MAD1L1: variants seen among roughly 807,000 people sequenced by gnomAD.
The protein encoded by MAD1L1 is mitotic spindle assembly checkpoint protein MAD1.
MAD1L1 carries 95 observed loss-of-function variants against 96.9 expected under a neutral mutation model. The observed-to-expected ratio is 0.98, with a 90% confidence interval of 0.83 to 1.16. The LOEUF (loss-of-function observed/expected upper bound fraction) is 1.16. Among genes scored for constraint, MAD1L1 ranks in the 50% most tolerant of loss-of-function variants. MAD1L1 has a pLI of 0.00. For missense variants in MAD1L1, 1,007 were observed against 954.4 expected (o/e 1.06, Z -0.73); for synonymous variants, 473 against 396.6 (o/e 1.19, Z -2.29).
At chr7:1,838,579 A>G in intron 18 of MAD1L1, 1 of 358,620 alleles carries the variant, frequency 2.8e-6, no homozygotes, top group South Asian at 2.2e-5. Context: ...GCCAGATGCC[A>G]GAGACCACTC....
chr7:1,901,703 G>A lies in MAD1L1; in HGVS notation c.1808-3313C>T, dbSNP rs555042320. Among the ~76,000 whole-genome samples, 5 of 152,284 alleles carry A rather than the reference G, an allele frequency of 3.3e-5. No homozygotes were observed. In the East Asian group the frequency reaches 5.8e-4, roughly 18 times the overall value. ...TCACCAAGGCTTTTAGGCCCTCTCC[G>A]CTGACCTCCAGGGCTACCCCAGGCT... On this transcript the variant is annotated intron_variant, in intron 17 of 18. Coordinates refer to ENST00000265854, the MANE Select transcript of MAD1L1 (RefSeq NM_001013836.2).
At chr7:2,005,122 G>C (rs1047454036) in intron 13 of MAD1L1, among the ~76,000 whole-genome samples, 2 of 152,188 alleles carry the variant, frequency 1.3e-5, no homozygotes, top group Admixed American at 1.3e-4. Flanking sequence ...CTCACACGCA[G>C]GGCCCTGGGT....
At chr7:2,108,639 C>G (rs1787215245) in intron 11 of MAD1L1, among the ~76,000 whole-genome samples, 1 of 152,218 alleles carries the variant, frequency 6.6e-6, no homozygotes, top group Admixed American at 6.5e-5. Flanking sequence ...TCTGTAAACA[C>G]TTGATTACCA....
In MAD1L1 at chr7:2,201,022, C is replaced by G. The variant is rs180867195; in HGVS notation, c.986+12190G>C. On this transcript the variant is annotated intron_variant, in intron 10 of 18. Transcript: ENST00000265854. ...GGAAGGGTGGGTGGTGCAGGCAAGACCAGCAGCTCCTGACACAAATGACAG... is the reference window on the plus strand; with the variant it reads ...GGAAGGGTGGGTGGTGCAGGCAAGAGCAGCAGCTCCTGACACAAATGACAG... 1.9e-3 allele frequency among the ~76,000 whole-genome samples: 289 copies of G among 152,304 alleles called. 1 individual carries two copies. The highest frequency in any genetic ancestry group is 6.8e-3 in the African/African-American group (283 of 41,570).
intron 15 of MAD1L1, among the ~76,000 whole-genome samples, chr7:1,972,342 T>C (rs1197040742): frequency 3.3e-5 from 5 of 152,256 alleles, no homozygotes; most frequent in Admixed American, 6.5e-5. Flanking sequence ...AGGGATATCC[T>C]TCGCATCTTT....
At chr7:1,863,659 T>C (rs1207140053) in intron 18 of MAD1L1, among the ~76,000 whole-genome samples, 1 of 152,186 alleles carries the variant, frequency 6.6e-6, no homozygotes, top group Non-Finnish European at 1.5e-5. Context: ...TGTTCTCAGC[T>C]GCCCTGCCCT....
chr7:2,165,928 C>T (rs1475149081), intron 10 of MAD1L1, among the ~76,000 whole-genome samples: 2 of 152,160 alleles, frequency 1.3e-5, no homozygotes, highest in Non-Finnish European at 2.9e-5. Flanking sequence ...ACACCTGTGC[C>T]TGGAACTCCA....
chr7:1,993,101 G>T (rs1196042277), intron 14 of MAD1L1, among the ~76,000 whole-genome samples: 1 of 152,220 alleles, frequency 6.6e-6, no homozygotes, highest in Non-Finnish European at 1.5e-5. Context: ...TTCGTGGAGT[G>T]GAATGCACGG....
intron 15 of MAD1L1, among the ~76,000 whole-genome samples, chr7:1,978,964 T>C (rs1376853477): frequency 6.6e-6 from 1 of 152,180 alleles, no homozygotes; most frequent in Non-Finnish European, 1.5e-5. Flanking sequence ...AGCCCATGCA[T>C]GAGGAATGCT....
intron 12 of MAD1L1, among the ~76,000 whole-genome samples, chr7:2,056,292 G>A (rs191611881): frequency 6.6e-5 from 10 of 152,324 alleles, no homozygotes; most frequent in African/African-American, 1.9e-4. Flanking sequence ...AAATCGTGCC[G>A]ATCATGAAGC....
At chr7:2,035,156 C>T (rs1345261808) in intron 12 of MAD1L1, among the ~76,000 whole-genome samples, 1 of 152,270 alleles carries the variant, frequency 6.6e-6, no homozygotes, top group Non-Finnish European at 1.5e-5. Flanking sequence ...CCAGAGGGGC[C>T]ACATGACCCC....
At chr7:2,048,557 T>C (rs1409558059) in intron 12 of MAD1L1, among the ~76,000 whole-genome samples, 1 of 152,174 alleles carries the variant, frequency 6.6e-6, no homozygotes, top group Non-Finnish European at 1.5e-5. Context: ...TGATGAATGG[T>C]AATAAGCATC....
At chr7:1,926,621 G>C (rs1583810348) in intron 17 of MAD1L1, among the ~76,000 whole-genome samples, 2 of 148,408 alleles carry the variant, frequency 1.3e-5, no homozygotes, top group East Asian at 3.8e-4. Context: ...AACGGTGTAA[G>C]GGAAAAAAAA....
At chr7:1,828,073 G>C (rs1482716656) in intron 18 of MAD1L1, among the ~76,000 whole-genome samples, 1 of 151,938 alleles carries the variant, frequency 6.6e-6, no homozygotes, top group Non-Finnish European at 1.5e-5. Flanking sequence ...CCATCAGTTT[G>C]TCTCTCTGAG....
chr7:2,041,960 GC>G lies in MAD1L1; in HGVS notation c.1218+27233del, dbSNP rs1409636012. 2.0e-5 allele frequency among the ~76,000 whole-genome samples: 3 copies of G among 152,312 alleles called. No individual in the cohort carries two copies. In the East Asian group the frequency reaches 5.8e-4, roughly 29 times the overall value. ...GCGAGCAGAGCCTGCATCCTACCCA[GC>G]CAAGGCCAGAGAGAACTAGCTCCCT... On this transcript the variant is annotated intron_variant, in intron 12 of 18. Coordinates refer to ENST00000265854, the MANE Select transcript of MAD1L1 (RefSeq NM_001013836.2).
At chr7:2,061,627 C>T (rs978277154) in intron 12 of MAD1L1, among the ~76,000 whole-genome samples, 3 of 152,240 alleles carry the variant, frequency 2.0e-5, no homozygotes, top group Non-Finnish European at 4.4e-5. Flanking sequence ...GGGGTGGCAG[C>T]CCCGGGAACT....
chr7:1,913,888 C>T (rs1365715950), intron 17 of MAD1L1, among the ~76,000 whole-genome samples: 1 of 152,146 alleles, frequency 6.6e-6, no homozygotes, highest in East Asian at 1.9e-4. Flanking sequence ...TCAGTCATGC[C>T]CCCTCACAGT....
chr7:2,126,237 G>A (rs555553309), intron 11 of MAD1L1, among the ~76,000 whole-genome samples: 10 of 152,360 alleles, frequency 6.6e-5, no homozygotes, highest in South Asian at 4.1e-4. Flanking sequence ...GGCTCAGTGC[G>A]CGGCCCATGG....
At chr7:1,933,411 T>G (rs1404285773) in intron 17 of MAD1L1, among the ~76,000 whole-genome samples, 1 of 152,162 alleles carries the variant, frequency 6.6e-6, no homozygotes, top group Non-Finnish European at 1.5e-5. Flanking sequence ...GCAGGGCACG[T>G]GGCGGGGGTG....
Sources: gnomAD v4.1 joint callset for allele counts (sites outside exome capture counted in the v4.1 genomes callset) on GRCh38, gnomAD v4.1.1 for gene constraint, MANE v1.5 for transcripts, NCBI Gene and HGNC (gene_info 2026-07-23, HGNC 2026-07-21) for gene names.